Variants in FRMD7 observed in about 807,000 individuals in gnomAD.
FRMD7 encodes the protein FERM domain containing 7.
FRMD7 carries 14 observed loss-of-function variants against 44.1 expected under a neutral mutation model. The ratio of observed to expected loss-of-function variants is 0.32; its 90% CI spans 0.21 to 0.50. The LOEUF (loss-of-function observed/expected upper bound fraction) is 0.50. Among genes scored for constraint, FRMD7 ranks in the 20% least tolerant of loss-of-function variants. The pLI is 0.99. For synonymous variants in FRMD7, 212 were observed against 187.4 expected, an observed-to-expected ratio of 1.13 and a Z score of -1.07; for missense variants, 501 against 522.3, an observed-to-expected ratio of 0.96 and a Z score of 0.40.
chrX:132,094,193 G>T, intron 4 of FRMD7, 54 bp from the exon 5 acceptor site: 1 of 744,305 alleles, frequency 1.3e-6, no homozygotes, highest in Non-Finnish European at 2.1e-6. Flanking sequence ...TAAGAAAGAA[G>T]CATTTTCCTT....
Position 132,122,030 on chromosome X carries a change from C to A in FRMD7, c.57+5758G>T, listed in dbSNP as rs1370856614. Among the ~76,000 whole-genome samples the A allele has an allele frequency of 3.6e-5, 4 of 111,708 alleles. No individual in the cohort carries two copies. In the South Asian group the frequency reaches 1.5e-3, roughly 42 times the overall value. ...CAGGAAGCGCAGAAATGGGGGAGCA[C>A]AGCTCTATTACCTGGAGGTGGGTTG... is the stretch of plus-strand genomic sequence containing the variant. On this transcript the variant is annotated intron_variant, in intron 1 of 11. Transcript: ENST00000298542.
At chrX:132,108,903 G>A (rs910008196) in intron 1 of FRMD7, among the ~76,000 whole-genome samples, 10 of 111,357 alleles carry the variant, frequency 9.0e-5, no homozygotes, top group Admixed American at 3.8e-4. Flanking sequence ...ATGATTGTAA[G>A]TTTCCTGAGG....
intron 1 of FRMD7, among the ~76,000 whole-genome samples, chrX:132,126,102 T>A (rs770291716): frequency 9.2e-6 from 1 of 108,822 alleles, no homozygotes; most frequent in South Asian, 3.9e-4. Context: ...ATCACTATCA[T>A]CATCATCATC....
rs146115383 is a variant in FRMD7 at position 132,110,920 on chromosome X, C to T, written c.58-10204G>A. On this transcript the variant is annotated intron_variant, in intron 1 of 11. Transcript: ENST00000298542. ...CCCACCTGGGCCACGCACAGTGGCT[C>T]ATGTCTGTGATCTTAGAGCTTTGGA... Among the ~76,000 whole-genome samples, 21 of 112,586 alleles carry T rather than the reference C, an allele frequency of 1.9e-4. No individual in the cohort carries two copies. The East Asian group carries it at 5.6e-3, about 30-fold the overall frequency.
intron 1 of FRMD7, among the ~76,000 whole-genome samples, chrX:132,103,507 T>C (rs1219533429): frequency 1.8e-5 from 2 of 109,871 alleles, no homozygotes; most frequent in African/African-American, 6.6e-5. Context: ...TATCTATCTA[T>C]CTATCTATCT....
intron 1 of FRMD7, among the ~76,000 whole-genome samples, chrX:132,123,713 A>G (rs1929089638): frequency 8.9e-6 from 1 of 112,189 alleles, no homozygotes; most frequent in Non-Finnish European, 1.9e-5. Flanking sequence ...GGCCTTTATC[A>G]TGGGCTCCCA....
intron 1 of FRMD7, among the ~76,000 whole-genome samples, chrX:132,125,345 C>T (rs1929130271): frequency 8.9e-6 from 1 of 111,839 alleles, no homozygotes. Flanking sequence ...ATAAAATCAA[C>T]ACCAATACCC....
At chrX:132,109,029 A>G (rs968306374) in intron 1 of FRMD7, among the ~76,000 whole-genome samples, 1 of 112,035 alleles carries the variant, frequency 8.9e-6, no homozygotes, top group Non-Finnish European at 1.9e-5. Flanking sequence ...AGCTATTAGC[A>G]TTTGCACCAT....
intron 5 of FRMD7, among the ~76,000 whole-genome samples, chrX:132,092,944 C>T (rs1005400705): frequency 4.5e-5 from 5 of 111,926 alleles, no homozygotes; most frequent in African/African-American, 1.6e-4. Flanking sequence ...CCTCTATATA[C>T]GTCACTTCTT....
At chrX:132,089,264 C>T (rs1273391276) in intron 5 of FRMD7, among the ~76,000 whole-genome samples, 1 of 111,933 alleles carries the variant, frequency 8.9e-6, no homozygotes, top group Non-Finnish European at 1.9e-5. Context: ...TTCTTTTCAA[C>T]AAATGTTGCT....
intron 5 of FRMD7, among the ~76,000 whole-genome samples, chrX:132,091,555 G>T (rs1928169978): frequency 9.0e-6 from 1 of 111,035 alleles, no homozygotes; most frequent in Non-Finnish European, 1.9e-5. Context: ...TGGGCACTGT[G>T]GCTTACGCGT....
chrX:132,094,471 G>C (rs977761695), intron 4 of FRMD7, among the ~76,000 whole-genome samples: 1 of 112,092 alleles, frequency 8.9e-6, no homozygotes, highest in Non-Finnish European at 1.9e-5. Context: ...AAGAATAGGA[G>C]ATCAAGCAAG....
chrX:132,085,583 G>T lies in FRMD7; in HGVS notation c.643C>A (p.Arg215=), dbSNP rs756203775. 2 of 1,208,113 alleles carry T rather than the reference G, an allele frequency of 1.7e-6. No individual in the cohort carries two copies. Among genetic ancestry groups the T allele is most frequent in the African/African-American group, 1.8e-5 (1 of 57,038 alleles). The change falls in exon 7 of 12, where the codon CGG becomes AGG. Residue 215 remains arginine, a splice_region_variant and synonymous_variant. Coordinates refer to ENST00000298542, the MANE Select transcript of FRMD7 (RefSeq NM_194277.3). The stretch of plus-strand genomic sequence containing the variant: ...GCTTGAAAGGAAAGAGATTTTACCC[G>T]TAACACCAGTACTCCCATGTGAGCA... The part of the protein sequence containing the change: ...AVAHMGVLVL[R]GNTKINTFNW...
At chrX:132,091,438 A>G (rs1296604173) in intron 5 of FRMD7, among the ~76,000 whole-genome samples, 1 of 111,114 alleles carries the variant, frequency 9.0e-6, no homozygotes, top group African/African-American at 3.3e-5. Flanking sequence ...TCTCTTTCAC[A>G]TGATTTTGTT....
At chrX:132,108,407 G>A (rs1928698554) in intron 1 of FRMD7, among the ~76,000 whole-genome samples, 1 of 111,858 alleles carries the variant, frequency 8.9e-6, no homozygotes, top group Admixed American at 9.5e-5. Context: ...TTACTGTTAT[G>A]TGAACTGTAT....
At chrX:132,103,484 ATG>A (rs1928560521) in intron 1 of FRMD7, among the ~76,000 whole-genome samples, 1 of 72,322 alleles carries the variant, frequency 1.4e-5, no homozygotes, top group African/African-American at 5.0e-5. Context: ...CTGCCTTTAA[ATG>A]TCTATCTATC....
At position 132,103,056 on chromosome X, in the gene FRMD7, A is replaced by G. The variant is rs191804837; in HGVS notation, c.58-2340T>C. ...GCATTTATGCTTTTGGAGGTCAGAC[A>G]CTCATGTGGCTCAAGCTTTCCACCC... On this transcript the variant is annotated intron_variant, in intron 1 of 11. Transcript: ENST00000298542. 3.9e-4 allele frequency among the ~76,000 whole-genome samples: 43 copies of G among 111,649 alleles called. No homozygotes were observed. The East Asian group carries it at 9.6e-3, about 25-fold the overall frequency.
rs759784671 is a variant in FRMD7, at chrX:132,094,116, T to G, written c.308A>C (p.Lys103Thr). 6 of 1,156,508 alleles carry G rather than the reference T, an allele frequency of 5.2e-6. No individual in the cohort carries two copies. The highest frequency in any genetic ancestry group is 2.4e-4 in the Middle Eastern group (1 of 4,242). Residue 103 changes from lysine (K) to threonine (T), a missense_variant, in exon 5 of 12, where the codon AAG becomes ACG. Coordinates refer to ENST00000298542, the MANE Select transcript of FRMD7 (RefSeq NM_194277.3). ...LTRYLFTLQI[K>T]KDLALGRLPC... ...AAGCCTTCCTAGAGCCAAATCCTTC[T>G]TTATTTGAAGAGTAAAAAGATACCT...
At chrX:132,105,466 T>A (rs1415522713) in intron 1 of FRMD7, among the ~76,000 whole-genome samples, 1 of 111,463 alleles carries the variant, frequency 9.0e-6, no homozygotes, top group Non-Finnish European at 1.9e-5. Flanking sequence ...GCAATTCCCA[T>A]CAAACTACCA....
Sources: allele counts gnomAD v4.1 joint callset (sites outside exome capture counted in the v4.1 genomes callset), GRCh38; gene constraint gnomAD v4.1.1; transcripts MANE v1.5; gene names NCBI Gene and HGNC (gene_info 2026-07-23, HGNC 2026-07-21).